PLCL1: variants seen among roughly 807,000 people sequenced by gnomAD.
PLCL1 encodes the protein phospholipase C like 1 (inactive).
PLCL1 carries 41 observed loss-of-function variants against 84.4 expected under a neutral mutation model. The observed-to-expected ratio is 0.49, with a 90% CI of 0.38 to 0.63. PLCL1 has a LOEUF of 0.63. Ranked by LOEUF, PLCL1 falls within the 30% of genes least tolerant of loss-of-function variation. PLCL1 has a pLI of 0.00. For missense variants in PLCL1, 1,206 were observed against 1,367.8 expected (o/e 0.88, Z 1.87); for synonymous variants, 490 against 488.3 (o/e 1.00, Z -0.05).
chr2:198,096,533 A>T (rs1246503461), intron 3 of PLCL1, among the ~76,000 whole-genome samples: 3 of 152,314 alleles, frequency 2.0e-5, no homozygotes, highest in Non-Finnish European at 4.4e-5. Flanking sequence ...TAAATATATC[A>T]TTCTGAAGTG....
intron 1 of PLCL1, among the ~76,000 whole-genome samples, chr2:197,876,747 G>C (rs900004704): frequency 3.9e-5 from 6 of 152,070 alleles, no homozygotes; most frequent in Non-Finnish European, 8.8e-5. Flanking sequence ...ATTTGAGGTT[G>C]TTCAGATATT....
intron 1 of PLCL1, among the ~76,000 whole-genome samples, chr2:197,924,845 T>A (rs1688804492): frequency 6.6e-6 from 1 of 152,004 alleles, no homozygotes; most frequent in East Asian, 1.9e-4. Flanking sequence ...AACGTTACAT[T>A]TAGATATTAC....
intron 1 of PLCL1, among the ~76,000 whole-genome samples, chr2:197,851,958 G>T (rs1381831389): frequency 6.6e-6 from 1 of 152,228 alleles, no homozygotes; most frequent in African/African-American, 2.4e-5. Context: ...TTTGCTGTTG[G>T]TAGTAAAAGG....
At chr2:198,126,640 C>T (rs1248049768) in intron 5 of PLCL1, among the ~76,000 whole-genome samples, 4 of 152,126 alleles carry the variant, frequency 2.6e-5, no homozygotes, top group Non-Finnish European at 5.9e-5. Context: ...CGCGGTGGCT[C>T]ATTCCTGTAA....
intron 1 of PLCL1, among the ~76,000 whole-genome samples, chr2:197,815,783 CG>C (rs1358231644): frequency 2.6e-5 from 4 of 151,910 alleles, no homozygotes; most frequent in South Asian, 2.1e-4. Context: ...TCACTGTAGA[CG>C]GGGTGGAAAT....
intron 1 of PLCL1, among the ~76,000 whole-genome samples, chr2:198,042,826 T>C (rs1339267897): frequency 6.6e-6 from 1 of 152,076 alleles, no homozygotes; most frequent in Non-Finnish European, 1.5e-5. Context: ...TGCCACCAGT[T>C]ATTTGAGAGG....
In PLCL1 at chr2:198,066,554, T is replaced by C. The variant is rs142589485; in HGVS notation, c.241-17204T>C. 3.9e-5 allele frequency among the ~76,000 whole-genome samples: 6 copies of C among 152,362 alleles called. 1 individual carries two copies. In the East Asian group the frequency reaches 9.6e-4, roughly 24 times the overall value. On this transcript the variant is annotated intron_variant, in intron 1 of 5. Transcript: ENST00000428675. Reference sequence around the variant, plus strand: ...ATCACCAAGTGGTTACTCCATTAATTTGTATCTCCAAATCCATTCTCTAGC... The same window carrying C: ...ATCACCAAGTGGTTACTCCATTAATCTGTATCTCCAAATCCATTCTCTAGC...
chr2:197,976,283 C>T (rs1006426816), intron 1 of PLCL1, among the ~76,000 whole-genome samples: 3 of 152,176 alleles, frequency 2.0e-5, no homozygotes, highest in Non-Finnish European at 4.4e-5. Flanking sequence ...ATTCAACTCA[C>T]ACCTTCTGCT....
intron 1 of PLCL1, among the ~76,000 whole-genome samples, chr2:197,969,175 A>C (rs972347217): frequency 1.3e-5 from 2 of 152,256 alleles, no homozygotes; most frequent in Non-Finnish European, 2.9e-5. Context: ...ACTCTGGTCC[A>C]TGGAAAAATT....
intron 5 of PLCL1, among the ~76,000 whole-genome samples, chr2:198,135,286 T>C (rs909381270): frequency 6.6e-6 from 1 of 152,218 alleles, no homozygotes; most frequent in Non-Finnish European, 1.5e-5. Context: ...AGTGTTTGTT[T>C]ATTGTGCTAA....
At chr2:197,869,377 T>C (rs1481505465) in intron 1 of PLCL1, among the ~76,000 whole-genome samples, 1 of 150,576 alleles carries the variant, frequency 6.6e-6, no homozygotes, top group Non-Finnish European at 1.5e-5. Flanking sequence ...ATCTTTTTCT[T>C]TTTTTTTTGC....
chr2:198,098,288 T>A (rs1402355937), intron 3 of PLCL1, among the ~76,000 whole-genome samples: 2 of 152,214 alleles, frequency 1.3e-5, no homozygotes, highest in Non-Finnish European at 2.9e-5. Context: ...AACAGAGGAC[T>A]CAAGTAAATA....
At chr2:197,888,814 TTA>T (rs1687965221) in intron 1 of PLCL1, among the ~76,000 whole-genome samples, 5 of 152,130 alleles carry the variant, frequency 3.3e-5, no homozygotes, top group African/African-American at 1.2e-4. Context: ...GATTCCATAA[TTA>T]AGGAAGACAA....
At chr2:198,031,741 T>C (rs1271496807) in intron 1 of PLCL1, among the ~76,000 whole-genome samples, 1 of 151,496 alleles carries the variant, frequency 6.6e-6, no homozygotes, top group African/African-American at 2.4e-5. Context: ...ATATGTCTTG[T>C]CACCCCCCTA....
chr2:198,078,342 C>A (rs1484943753), intron 1 of PLCL1, among the ~76,000 whole-genome samples: 1 of 152,120 alleles, frequency 6.6e-6, no homozygotes, highest in Admixed American at 6.6e-5. Flanking sequence ...TGTCTACCAT[C>A]CTTTGAGAAT....
In PLCL1 at chr2:197,922,645, AC is replaced by A. The variant is rs1046009437; in HGVS notation, c.240+117313del. On this transcript the variant is annotated intron_variant, in intron 1 of 5. Coordinates refer to ENST00000428675, the MANE Select transcript of PLCL1 (RefSeq NM_006226.4). ...GGGCGGCTGGCCGGGCAGGGGGCTG[AC>A]CCCCCCACCCCCCCACCTCCCTCCC... 4.1e-5 allele frequency among the ~76,000 whole-genome samples: 5 copies of A among 122,368 alleles called. 1 individual carries two copies. Among genetic ancestry groups the A allele is most frequent in the East Asian group, 2.6e-4 (1 of 3,874 alleles). 80.3% of individuals were successfully genotyped at this position (122,368 alleles called of 152,430 possible).
At chr2:197,946,087 C>T (rs753797889) in intron 1 of PLCL1, among the ~76,000 whole-genome samples, 1 of 151,942 alleles carries the variant, frequency 6.6e-6, no homozygotes, top group African/African-American at 2.4e-5. Flanking sequence ...ATTTCTTCAA[C>T]GTTAACACTA....
intron 5 of PLCL1, among the ~76,000 whole-genome samples, chr2:198,140,685 T>C (rs552662365): frequency 3.5e-4 from 53 of 152,174 alleles, no homozygotes; most frequent in Admixed American, 7.2e-4. Context: ...GCCTTTCATA[T>C]GGCTTATTAA....
intron 1 of PLCL1, among the ~76,000 whole-genome samples, chr2:198,006,144 G>T (rs188456942): frequency 6.6e-6 from 1 of 152,192 alleles, no homozygotes; most frequent in East Asian, 1.9e-4. Context: ...GACTGGAGTT[G>T]TTAAAAGACA....
Sources: gnomAD v4.1 joint callset for allele counts (sites outside exome capture counted in the v4.1 genomes callset) on GRCh38, gnomAD v4.1.1 for gene constraint, MANE v1.5 for transcripts, NCBI Gene and HGNC (gene_info 2026-07-23, HGNC 2026-07-21) for gene names.